PDE1C: variants seen among roughly 807,000 people sequenced by gnomAD.
PDE1C encodes the protein phosphodiesterase 1C, also known as dual specificity calcium/calmodulin-dependent 3',5'-cyclic nucleotide phosphodiesterase 1C.
PDE1C carries 62 observed loss-of-function variants against 93.1 expected under a neutral mutation model. The ratio of observed to expected loss-of-function variants is 0.67; its 90% CI spans 0.54 to 0.82. The LOEUF (loss-of-function observed/expected upper bound fraction) is 0.82, where lower values mean the gene tolerates loss of function less well. PDE1C is among the 40% of genes least tolerant of loss of function. PDE1C has a pLI of 0.00. For synonymous variants in PDE1C, 325 were observed against 310.1 expected (o/e 1.05, Z -0.50); for missense variants, 742 against 884.6 (o/e 0.84, Z 2.04).
At chr7:32,017,427 C>A (rs1441266379) in intron 2 of PDE1C, among the ~76,000 whole-genome samples, 1 of 152,030 alleles carries the variant, frequency 6.6e-6, no homozygotes, top group African/African-American at 2.4e-5. Context: ...ATCTACATGA[C>A]CTTAGATTAG....
chr7:32,115,583 A>G (rs1441860148), intron 3 of PDE1C, among the ~76,000 whole-genome samples: 1 of 152,180 alleles, frequency 6.6e-6, no homozygotes, highest in Non-Finnish European at 1.5e-5. Flanking sequence ...ATGTATACCT[A>G]TATAACAAAC....
intron 15 of PDE1C, among the ~76,000 whole-genome samples, chr7:31,811,923 G>T (rs935896694): frequency 1.3e-5 from 2 of 152,040 alleles, no homozygotes; most frequent in African/African-American, 4.8e-5. Flanking sequence ...GATATCCTGG[G>T]CACTCCACAA....
chr7:32,147,177 T>C (rs1229312593), intron 3 of PDE1C, among the ~76,000 whole-genome samples: 9 of 150,312 alleles, frequency 6.0e-5, no homozygotes, highest in African/African-American at 2.2e-4. Context: ...ATTTAAAAAA[T>C]TGTTTTCAGA....
chr7:32,241,105 T>C (rs2128869662), intron 1 of PDE1C, among the ~76,000 whole-genome samples: 1 of 152,318 alleles, frequency 6.6e-6, no homozygotes, highest in Non-Finnish European at 1.5e-5. Context: ...TTTATCTATG[T>C]TCTGTCTGAG....
chr7:32,422,193 G>GATT (rs1283422798), intron 1 of PDE1C, among the ~76,000 whole-genome samples: 1 of 152,152 alleles, frequency 6.6e-6, no homozygotes, highest in Non-Finnish European at 1.5e-5. Context: ...TGTCTATTTA[G>GATT]ATTAACTCAG....
chr7:31,860,360 T>C (rs1794543629), intron 7 of PDE1C, among the ~76,000 whole-genome samples: 1 of 152,110 alleles, frequency 6.6e-6, no homozygotes, highest in South Asian at 2.1e-4. Context: ...GCCCCAAACG[T>C]CAATAGTGCT....
At chr7:32,073,812 A>G (rs1309697002), upstream of PDE1C, among the ~76,000 whole-genome samples, 1 of 152,242 alleles carries the variant, frequency 6.6e-6, no homozygotes, top group Non-Finnish European at 1.5e-5. Flanking sequence ...CATTCTGCTC[A>G]GAGGCAAGCA....
In PDE1C at chr7:32,013,333, T is replaced by C. The variant is rs774662915; in HGVS notation, c.128+38221A>G. Among the ~76,000 whole-genome samples, 21 of 152,196 alleles carry C rather than the reference T, an allele frequency of 1.4e-4. 1 individual carries two copies. Among genetic ancestry groups the C allele is most frequent in the Admixed American group, 2.6e-4 (4 of 15,274 alleles). On this transcript the variant is annotated intron_variant, in intron 2 of 17. Transcript: ENST00000396191. ...TTGAAATGCTTGTTCCCTGGTGCCA[T>C]AAAGAAATAGTACTTGAACATAAAT... is the stretch of plus-strand genomic sequence containing the variant.
chr7:32,002,590 T>C (rs1044478244), intron 2 of PDE1C, among the ~76,000 whole-genome samples: 5 of 152,190 alleles, frequency 3.3e-5, no homozygotes, highest in Non-Finnish European at 7.3e-5. Context: ...CAAATGTTAG[T>C]TGTGTGGTTT....
intron 17 of PDE1C, among the ~76,000 whole-genome samples, chr7:31,763,670 C>G (rs1294455913): frequency 6.6e-6 from 1 of 152,214 alleles, no homozygotes; most frequent in Non-Finnish European, 1.5e-5. Context: ...TGCCATTGCA[C>G]AGTACACAAT....
the PDE1C span, chr7:31,652,481 G>A: frequency 3.0e-5 from 46 of 1,543,950 alleles, no homozygotes; most frequent in East Asian, 5.8e-4. Flanking sequence ...CCAATGTGAT[G>A]TGCTGTTTAC....
intron 3 of PDE1C, among the ~76,000 whole-genome samples, chr7:32,096,177 C>T (rs1036892558): frequency 2.0e-5 from 3 of 152,150 alleles, no homozygotes; most frequent in Admixed American, 2.0e-4. Context: ...TCAGCCCTGC[C>T]TTTTATGGAT....
the PDE1C span, among the ~76,000 whole-genome samples, chr7:31,661,554 A>T: frequency 6.6e-6 from 1 of 152,012 alleles, no homozygotes; most frequent in Non-Finnish European, 1.5e-5. Flanking sequence ...CTCTACTAAT[A>T]ATACAAACAT....
chr7:32,198,241 G>A (rs1225198233), intron 2 of PDE1C, among the ~76,000 whole-genome samples: 1 of 151,992 alleles, frequency 6.6e-6, no homozygotes, highest in Non-Finnish European at 1.5e-5. Flanking sequence ...TAAAATTTCA[G>A]GTCAACAGTA....
the PDE1C span, among the ~76,000 whole-genome samples, chr7:31,670,875 C>A: frequency 6.6e-6 from 1 of 152,174 alleles, no homozygotes; most frequent in African/African-American, 2.4e-5. Context: ...AGAGGAGAAG[C>A]AGCTGGAGGT....
chr7:31,912,531 C>CA (rs1203030773), intron 2 of PDE1C, among the ~76,000 whole-genome samples: 3 of 151,710 alleles, frequency 2.0e-5, no homozygotes, highest in Non-Finnish European at 4.4e-5. Context: ...AGAAAAAATA[C>CA]AAAAAATGAG....
the PDE1C span, among the ~76,000 whole-genome samples, chr7:31,660,805 A>C: frequency 6.6e-6 from 1 of 152,030 alleles, no homozygotes; most frequent in Non-Finnish European, 1.5e-5. Context: ...AAATATGAAA[A>C]TACGTATCTA....
At chr7:31,927,952 C>A (rs957231451) in intron 2 of PDE1C, among the ~76,000 whole-genome samples, 2 of 152,068 alleles carry the variant, frequency 1.3e-5, no homozygotes. Flanking sequence ...GACGAATTAA[C>A]AGAAGTAGGC....
At chr7:31,968,623 T>C in intron 2 of PDE1C, among the ~76,000 whole-genome samples, 1 of 152,146 alleles carries the variant, frequency 6.6e-6, no homozygotes, top group Non-Finnish European at 1.5e-5. Context: ...AAAGTTCATA[T>C]GGAACCAAAA....
Sources: allele counts gnomAD v4.1 joint callset (sites outside exome capture counted in the v4.1 genomes callset), GRCh38; gene constraint gnomAD v4.1.1; transcripts MANE v1.5; gene names NCBI Gene and HGNC (gene_info 2026-07-23, HGNC 2026-07-21).